Variants in FRMPD4 observed in about 807,000 individuals in gnomAD.
FRMPD4 encodes the protein FERM and PDZ domain containing 4.
Under a neutral mutation model 94.1 loss-of-function variants are expected in FRMPD4, and 22 were observed. The ratio of observed to expected loss-of-function variants is 0.23; its 90% confidence interval spans 0.17 to 0.33. FRMPD4 has a LOEUF of 0.33. Ranked by LOEUF, FRMPD4 falls within the 10% of genes least tolerant of loss-of-function variation. The probability of loss-of-function intolerance (pLI) is 1.00; values close to 1 mark genes in which losing one functional copy is unlikely to be tolerated. For missense variants in FRMPD4, 1,111 were observed against 1,339.9 expected (o/e 0.83, Z 2.67); for synonymous variants, 631 against 548.6 (o/e 1.15, Z -2.10).
intron 1 of FRMPD4, among the ~76,000 whole-genome samples, chrX:12,315,042 C>A (rs2147913927): frequency 8.9e-6 from 1 of 112,028 alleles, no homozygotes; most frequent in South Asian, 3.8e-4. Context: ...CACCATGGAT[C>A]AGCAATTTCC....
chrX:12,073,584 A>G (rs1449350848), intron 3 of FRMPD4, among the ~76,000 whole-genome samples: 2 of 112,156 alleles, frequency 1.8e-5, no homozygotes, highest in Non-Finnish European at 3.8e-5. Context: ...TTTATGGCAT[A>G]TGCCTAGCAG....
chrX:12,686,751 A>G (rs2060028265), intron 7 of FRMPD4, among the ~76,000 whole-genome samples: 1 of 112,222 alleles, frequency 8.9e-6, no homozygotes, highest in African/African-American at 3.2e-5. Flanking sequence ...GGAAAGGAAG[A>G]CTCACAAAGC....
At chrX:12,645,512 C>T (rs1039927490) in intron 4 of FRMPD4, among the ~76,000 whole-genome samples, 3 of 108,764 alleles carry the variant, frequency 2.8e-5, no homozygotes, top group Non-Finnish European at 5.7e-5. Flanking sequence ...TGCACCACCA[C>T]GCCCGACTAA....
intron 1 of FRMPD4, among the ~76,000 whole-genome samples, chrX:11,857,058 T>C (rs2053657615): frequency 9.0e-6 from 1 of 111,633 alleles, no homozygotes; most frequent in Admixed American, 9.5e-5. Context: ...AAATCAGAGA[T>C]GACACAAACA....
At chrX:12,000,717 C>G (rs780340702) in intron 3 of FRMPD4, among the ~76,000 whole-genome samples, 22 of 111,763 alleles carry the variant, frequency 2.0e-4, no homozygotes, top group Admixed American at 9.5e-5. Context: ...TTTCCAATCC[C>G]TCAAACTAGA....
intron 1 of FRMPD4, among the ~76,000 whole-genome samples, chrX:12,386,510 T>C (rs1348412881): frequency 8.9e-6 from 1 of 112,314 alleles, no homozygotes; most frequent in African/African-American, 3.2e-5. Context: ...TTGTACGTCA[T>C]AGCTGACTGC....
intron 1 of FRMPD4, among the ~76,000 whole-genome samples, chrX:12,140,981 A>G (rs1329742995): frequency 8.9e-6 from 1 of 112,015 alleles, no homozygotes; most frequent in Non-Finnish European, 1.9e-5. Flanking sequence ...CATCCATAGA[A>G]TTCTTCTTTT....
At chrX:12,713,451 A>G (rs144679832) in intron 14 of FRMPD4, among the ~76,000 whole-genome samples, 2 of 106,600 alleles carry the variant, frequency 1.9e-5, no homozygotes, top group African/African-American at 6.9e-5. Flanking sequence ...ACCTATCCCC[A>G]CTCTCAAAGA....
chrX:12,602,970 G>A (rs2059098416), intron 2 of FRMPD4, among the ~76,000 whole-genome samples: 1 of 112,154 alleles, frequency 8.9e-6, no homozygotes, highest in African/African-American at 3.2e-5. Flanking sequence ...TACTGGAAAG[G>A]AATGTGGCAT....
Position 12,449,372 on chromosome X carries a change from T to TA in FRMPD4, c.42-49306dup, listed in dbSNP as rs1289540757. On this transcript the variant is annotated intron_variant, in intron 1 of 16. Transcript: ENST00000675598. ...ATATTGTTGTCAGTATTTGAGACAG[T>TA]AATATATCTCAAATTGCTTTGGAAG... 2.7e-5 allele frequency among the ~76,000 whole-genome samples: 3 copies of TA among 112,255 alleles called. No homozygotes were observed. The Admixed American group carries it at 2.8e-4, about 11-fold the overall frequency.
intron 1 of FRMPD4, among the ~76,000 whole-genome samples, chrX:12,473,908 A>C (rs2057555351): frequency 9.1e-6 from 1 of 109,552 alleles, no homozygotes; most frequent in African/African-American, 3.5e-5. Flanking sequence ...CAGATCGACA[A>C]GACAGAAAGT....
intron 1 of FRMPD4, among the ~76,000 whole-genome samples, chrX:12,449,835 A>T (rs1316053526): frequency 3.6e-5 from 4 of 110,393 alleles, no homozygotes; most frequent in African/African-American, 1.3e-4. Flanking sequence ...TTAAAAATTT[A>T]AAAATTAGCT....
At chrX:12,605,122 T>A (rs2059119117) in intron 2 of FRMPD4, among the ~76,000 whole-genome samples, 1 of 112,335 alleles carries the variant, frequency 8.9e-6, no homozygotes. Flanking sequence ...TCAGGCAGTC[T>A]GGCTCCAAAG....
At chrX:12,036,581 C>A (rs2054721797) in intron 3 of FRMPD4, among the ~76,000 whole-genome samples, 1 of 110,570 alleles carries the variant, frequency 9.0e-6, no homozygotes, top group African/African-American at 3.3e-5. Context: ...TGCGGAGAAC[C>A]CTTTGAGTTT....
At chrX:12,163,162 A>G (rs1237580663) in intron 1 of FRMPD4, among the ~76,000 whole-genome samples, 1 of 110,816 alleles carries the variant, frequency 9.0e-6, no homozygotes, top group East Asian at 2.8e-4. Context: ...TTAGGTTCCA[A>G]TTAGGGACTT....
At chrX:12,680,822 A>G (rs1332529999) in intron 5 of FRMPD4, among the ~76,000 whole-genome samples, 1 of 110,821 alleles carries the variant, frequency 9.0e-6, no homozygotes, top group East Asian at 2.8e-4. Context: ...GAGATAGTAC[A>G]TAAGGTTATT....
chrX:12,386,760 C>T (rs2056402406), intron 1 of FRMPD4, among the ~76,000 whole-genome samples: 1 of 111,133 alleles, frequency 9.0e-6, no homozygotes, highest in African/African-American at 3.3e-5. Flanking sequence ...TCAAGAGTAA[C>T]AAGTGGCGAT....
intron 1 of FRMPD4, among the ~76,000 whole-genome samples, chrX:12,323,078 G>C (rs923434912): frequency 5.4e-5 from 6 of 111,641 alleles, no homozygotes; most frequent in African/African-American, 1.3e-4. Flanking sequence ...ATGGGTCACA[G>C]TCACTATTTT....
intron 5 of FRMPD4, among the ~76,000 whole-genome samples, chrX:12,678,348 C>A (rs1203913820): frequency 8.9e-6 from 1 of 112,386 alleles, no homozygotes; most frequent in Non-Finnish European, 1.9e-5. Context: ...AGGGGAATTT[C>A]TGGGTTACTC....
Sources: allele counts gnomAD v4.1 joint callset (sites outside exome capture counted in the v4.1 genomes callset), GRCh38; gene constraint gnomAD v4.1.1; transcripts MANE v1.5; gene names NCBI Gene and HGNC (gene_info 2026-07-23, HGNC 2026-07-21).